The following STK10 variants were observed in gnomAD, a reference collection of about 807,000 sequenced individuals.
STK10 encodes the protein serine/threonine kinase 10.
Under a neutral mutation model 113.8 loss-of-function variants are expected in STK10, and 78 were observed. That is an observed-to-expected ratio of 0.69 (90% CI 0.57 to 0.83). The LOEUF is 0.83. Ranked by LOEUF, STK10 falls within the 40% of genes least tolerant of loss-of-function variation. STK10 has a pLI of 0.00. For synonymous variants in STK10, 465 were observed against 494.7 expected, an observed-to-expected ratio of 0.94 and a Z score of 0.80; for missense variants, 1,109 against 1,280.1, an observed-to-expected ratio of 0.87 and a Z score of 2.04.
chr5:172,181,941 T>C (rs1429886659), intron 1 of STK10, among the ~76,000 whole-genome samples: 2 of 152,158 alleles, frequency 1.3e-5, no homozygotes, highest in East Asian at 3.8e-4. Context: ...GAACCCAGGG[T>C]AATTTTTTTC....
chr5:172,080,116 T>C (rs1177095904), intron 12 of STK10, among the ~76,000 whole-genome samples: 1 of 152,176 alleles, frequency 6.6e-6, no homozygotes, highest in Non-Finnish European at 1.5e-5. Flanking sequence ...ATTATCTCTA[T>C]TATGACGATC....
At chr5:172,056,859 G>T (rs1767785309) in intron 15 of STK10, among the ~76,000 whole-genome samples, 1 of 149,262 alleles carries the variant, frequency 6.7e-6, no homozygotes, top group African/African-American at 2.5e-5. Flanking sequence ...GAGTGAGAGA[G>T]CGACTCCATC....
chr5:172,046,305 C>T (rs1047268427), intron 18 of STK10, among the ~76,000 whole-genome samples: 2 of 147,998 alleles, frequency 1.4e-5, no homozygotes, highest in Middle Eastern at 3.5e-3. Flanking sequence ...TGCAGTGAGC[C>T]GAGATCGTGC....
At chr5:172,142,749 T>C (rs74867317) in intron 2 of STK10, among the ~76,000 whole-genome samples, 3,135 of 152,318 alleles carry the variant, frequency 0.021, 49 homozygotes, top group Non-Finnish European at 0.029. Flanking sequence ...CTAGGTATTA[T>C]TGTATTCCCA....
chr5:172,164,896 C>A (rs982171989), intron 1 of STK10, among the ~76,000 whole-genome samples: 1 of 152,246 alleles, frequency 6.6e-6, no homozygotes, highest in Non-Finnish European at 1.5e-5. Context: ...GCCCAGCCTT[C>A]CACTGCTGGC....
intron 2 of STK10, among the ~76,000 whole-genome samples, chr5:172,145,374 T>A (rs1770062803): frequency 6.6e-6 from 1 of 150,642 alleles, no homozygotes; most frequent in Non-Finnish European, 1.5e-5. Context: ...CACATTCAAC[T>A]CAAATTGCTA....
At chr5:172,119,643 T>G (rs956313833) in intron 3 of STK10, among the ~76,000 whole-genome samples, 25 of 151,876 alleles carry the variant, frequency 1.6e-4, no homozygotes, top group African/African-American at 5.8e-4. Context: ...GGTGGGAGGA[T>G]CACGAGGTCA....
intron 3 of STK10, among the ~76,000 whole-genome samples, chr5:172,121,857 T>C (rs1008572680): frequency 6.7e-6 from 1 of 148,492 alleles, no homozygotes; most frequent in Non-Finnish European, 1.5e-5. Context: ...TGGGCCACTA[T>C]GCCTAGCTAA....
intron 12 of STK10, among the ~76,000 whole-genome samples, chr5:172,080,298 C>T (rs1184861286): frequency 1.3e-5 from 2 of 152,114 alleles, no homozygotes; most frequent in East Asian, 1.9e-4. Flanking sequence ...TGAGACACAA[C>T]GATATTGATA....
intron 1 of STK10, among the ~76,000 whole-genome samples, chr5:172,170,451 A>G (rs1770648613): frequency 6.6e-6 from 1 of 152,158 alleles, no homozygotes; most frequent in African/African-American, 2.4e-5. Context: ...ACGACAAGTG[A>G]GATGGCCAAG....
In STK10 at chr5:172,045,072, C is replaced by T. The variant is rs781774395; in HGVS notation, c.2767-50G>A. 7.5e-6 allele frequency: 12 copies of T among 1,601,344 alleles called. No individual in the cohort carries two copies. The African/African-American group carries it at 8.0e-5, about 11-fold the overall frequency. ...CACTTGGTGAGATCTGCAGGCCACA[C>T]GTGGGTCTCCCACTCACAGGACCCC... On this transcript the variant is annotated intron_variant, in intron 18 of 18. Transcript: ENST00000176763.
rs751793153 is a variant in STK10, at chr5:172,064,857, A to G, written c.1990-45T>C. The G allele has an allele frequency of 2.1e-5, 33 of 1,594,640 alleles. 1 individual carries two copies. The South Asian group carries it at 3.6e-4, about 18-fold the overall frequency. On this transcript the variant is annotated intron_variant, in intron 12 of 18. Coordinates refer to ENST00000176763, the MANE Select transcript of STK10 (RefSeq NM_005990.4). Reference sequence around the variant, plus strand: ...GAGTAGCTGGGTCAGGGTCCTCTCCATGCTTCCTACAGTATAATCTTCAAC... The same window carrying G: ...GAGTAGCTGGGTCAGGGTCCTCTCCGTGCTTCCTACAGTATAATCTTCAAC...
intron 4 of STK10, among the ~76,000 whole-genome samples, chr5:172,108,983 C>T (rs2113767567): frequency 6.6e-6 from 1 of 152,186 alleles, no homozygotes; most frequent in Non-Finnish European, 1.5e-5. Context: ...TGGAGTTTCA[C>T]CACGTTGCCC....
At chr5:172,127,672 C>A (rs780780919) in intron 2 of STK10, among the ~76,000 whole-genome samples, 1 of 152,194 alleles carries the variant, frequency 6.6e-6, no homozygotes, top group Non-Finnish European at 1.5e-5. Context: ...TAAGTTGCTA[C>A]GAAGACCTGA....
chr5:172,136,077 A>G lies in STK10; in HGVS notation c.322-8656T>C, dbSNP rs1769852501. Among the ~76,000 whole-genome samples, 5 of 152,100 alleles carry G rather than the reference A, an allele frequency of 3.3e-5. No homozygotes were observed. In the South Asian group the frequency reaches 1.0e-3, roughly 32 times the overall value. The stretch of plus-strand genomic sequence containing the variant: ...AAAAGAAAGAAAAAGAAAAAAAGAA[A>G]AAAAAACCTCAAATTACTACAATCA... On this transcript the variant is annotated intron_variant, in intron 2 of 18. Coordinates refer to ENST00000176763, the MANE Select transcript of STK10 (RefSeq NM_005990.4).
At chr5:172,121,783 T>C (rs1561816231) in intron 3 of STK10, among the ~76,000 whole-genome samples, 1 of 152,112 alleles carries the variant, frequency 6.6e-6, no homozygotes. Flanking sequence ...AAGCTGGTAA[T>C]CTTGGACTCC....
At position 172,187,851 on chromosome 5, in the gene STK10, C is replaced by A; in HGVS notation, c.156+36G>T. 4.4e-6 allele frequency: 7 copies of A among 1,605,842 alleles called. No homozygotes were observed. Among genetic ancestry groups the A allele is most frequent in the Non-Finnish European group, 5.1e-6 (6 of 1,176,582 alleles). On this transcript the variant is annotated intron_variant, in intron 1 of 18. Transcript: ENST00000176763. This position sits in a 1 kb window ranked among gnomAD's most constrained non-coding sequence, Gnocchi z 4.6. The stretch of plus-strand genomic sequence containing the variant: ...GGCATCCCTTCCTTCCGGAGCCCCT[C>A]GACGCGCGTCCGGCCACCCACCTCA...
At chr5:172,078,135 G>A (rs2113724912) in intron 12 of STK10, among the ~76,000 whole-genome samples, 1 of 152,310 alleles carries the variant, frequency 6.6e-6, no homozygotes, top group Middle Eastern at 3.4e-3. Flanking sequence ...TCACAGAGGT[G>A]ACCTTTGGAA....
chr5:172,049,053 G>C (rs551004814), intron 18 of STK10, among the ~76,000 whole-genome samples: 1 of 152,006 alleles, frequency 6.6e-6, no homozygotes, highest in African/African-American at 2.4e-5. Flanking sequence ...ACATCTTCCT[G>C]CCACACCGTC....
Sources: allele counts gnomAD v4.1 joint callset (sites outside exome capture counted in the v4.1 genomes callset), GRCh38; gene constraint gnomAD v4.1.1; non-coding constraint Gnocchi (gnomAD v3.1); transcripts MANE v1.5; gene names NCBI Gene and HGNC (gene_info 2026-07-23, HGNC 2026-07-21).